Variants in HCK observed in about 807,000 individuals in gnomAD.
HCK encodes HCK proto-oncogene, Src family tyrosine kinase, also known as tyrosine-protein kinase HCK.
Under a neutral mutation model 70.4 loss-of-function variants are expected in HCK, and 40 were observed. The observed-to-expected ratio is 0.57, with a 90% CI of 0.44 to 0.74. The LOEUF (loss-of-function observed/expected upper bound fraction) is 0.74. Among genes scored for constraint, HCK ranks in the 30% least tolerant of loss-of-function variants. The pLI, the probability that HCK is intolerant of heterozygous loss-of-function variation, is 0.00. For synonymous variants in HCK, 245 were observed against 263.2 expected (o/e 0.93, Z 0.67); for missense variants, 568 against 697.2 (o/e 0.81, Z 2.09).
At chr20:32,072,088 C>T (rs1456194427) in intron 2 of HCK, 16 of 373,662 alleles carry the variant, frequency 4.3e-5, no homozygotes, top group East Asian at 9.0e-5. Flanking sequence ...TGCTGAGAAA[C>T]GAGTGAACAG....
intron 11 of HCK, among the ~76,000 whole-genome samples, chr20:32,096,454 T>A (rs1336142848): frequency 6.7e-6 from 1 of 148,720 alleles, no homozygotes; most frequent in East Asian, 2.0e-4. Flanking sequence ...GAGCCGAGAT[T>A]GTGCCATTGC....
chr20:32,099,361 T>TTTTTTTTTTTTTTTG, intron 12 of HCK, among the ~76,000 whole-genome samples: 1 of 141,358 alleles, frequency 7.1e-6, no homozygotes, highest in Non-Finnish European at 1.5e-5. Context: ...TTTTTTTTTT[T>TTTTTTTTTTTTTTTG]TTTTTTTTTT....
chr20:32,084,419 G>A lies in HCK; in HGVS notation c.711G>A (p.Leu237=). ...GGAACGACGGGCTCTGCCAGAAACT[G>A]TCGGTGCCCTGCATGTCTTCCAAGC... Residue 237 remains leucine (L), a synonymous_variant, in exon 8 of 13, where the codon CTG becomes CTA. Coordinates refer to ENST00000375852, the MANE Select transcript of HCK (RefSeq NM_002110.5). 6.2e-7 allele frequency: 1 copy of A among 1,614,072 alleles called. No homozygotes were observed. The highest frequency in any genetic ancestry group is 8.5e-7 in the Non-Finnish European group (1 of 1,179,950).
intron 10 of HCK, among the ~76,000 whole-genome samples, chr20:32,089,101 C>T (rs570209966): frequency 9.2e-5 from 14 of 152,330 alleles, no homozygotes; most frequent in East Asian, 3.9e-4. Flanking sequence ...TTCTTCACGG[C>T]GCAGCAGCTG....
rs185289983 is a variant in HCK at position 32,067,842 on chromosome 20, T to C, written c.63-3820T>C. ...TAACAGTAAAATCCACACTGAGATG[T>C]GAAGGCTTAGTACAAAAAAAAATGT... On this transcript the variant is annotated intron_variant, in intron 1 of 12. Transcript: ENST00000375852. Among the ~76,000 whole-genome samples the C allele has an allele frequency of 3.0e-4, 45 of 152,240 alleles. No individual in the cohort carries two copies. In the East Asian group the frequency reaches 8.7e-3, roughly 29 times the overall value.
At chr20:32,090,653 T>G (rs185921631) in intron 10 of HCK, among the ~76,000 whole-genome samples, 151 of 152,202 alleles carry the variant, frequency 9.9e-4, no homozygotes, top group Non-Finnish European at 1.9e-4. Flanking sequence ...TGATACTCTT[T>G]GGAAGCAAAC....
chr20:32,082,142 T>G (rs1212798524), intron 6 of HCK, among the ~76,000 whole-genome samples: 2 of 152,368 alleles, frequency 1.3e-5, no homozygotes, highest in East Asian at 1.9e-4. Flanking sequence ...TTCACCTCTC[T>G]GGGCTTCAGT....
In HCK at chr20:32,071,757, C is replaced by T. The variant is rs546783926; in HGVS notation, c.158C>T (p.Pro53Leu). The T allele has an allele frequency of 6.3e-5, 101 of 1,613,920 alleles. No homozygotes were observed. The highest frequency in any genetic ancestry group is 4.0e-4 in the African/African-American group (30 of 75,006). ...AGCCCACACTGTCCTGTGTACGTGC[C>T]GGATCCCACATCCACCATCAAGCCG... The change falls in exon 2 of 13, where the codon CCG (proline) becomes CTG (leucine). Residue 53 changes from proline (P) to leucine (L), a missense_variant. This residue lies in a region of HCK where 318 missense variants were observed against 336.0 expected (regional missense o/e 0.95). Coordinates refer to ENST00000375852, the MANE Select transcript of HCK (RefSeq NM_002110.5).
chr20:32,057,126 C>T (rs2045284541), intron 1 of HCK, among the ~76,000 whole-genome samples: 1 of 152,238 alleles, frequency 6.6e-6, no homozygotes, highest in Non-Finnish European at 1.5e-5. Context: ...GACTCCAGTG[C>T]TCTTCAGACA....
At chr20:32,088,669 G>T in intron 10 of HCK, 25 bp downstream of exon 10, 1 of 1,595,400 alleles carries the variant, frequency 6.3e-7, no homozygotes, top group Non-Finnish European at 8.6e-7. Context: ...AGGAAACGGG[G>T]AAGGGAAACA....
chr20:32,061,262 G>C (rs1010368686), intron 1 of HCK, among the ~76,000 whole-genome samples: 2 of 152,228 alleles, frequency 1.3e-5, no homozygotes, highest in Admixed American at 6.5e-5. Context: ...GATTACAGGC[G>C]TGAGCCACTG....
At chr20:32,059,511 CTTTTT>C (rs10557922) in intron 1 of HCK, among the ~76,000 whole-genome samples, 2 of 147,126 alleles carry the variant, frequency 1.4e-5, no homozygotes, top group Middle Eastern at 3.5e-3. Flanking sequence ...CTCTCTCTCT[CTTTTT>C]TTTTTCTTTT....
intron 1 of HCK, among the ~76,000 whole-genome samples, chr20:32,062,214 A>G (rs1260416269): frequency 7.9e-5 from 12 of 152,136 alleles, no homozygotes; most frequent in Admixed American, 7.9e-4. Context: ...TGCTGGGATT[A>G]CAGGTGTGAG....
chr20:32,074,200 T>C (rs1386319693), intron 4 of HCK, among the ~76,000 whole-genome samples: 1 of 152,166 alleles, frequency 6.6e-6, no homozygotes, highest in African/African-American at 2.4e-5. Context: ...ATGGGTATAG[T>C]GTCCAGGATG....
chr20:32,056,926 G>A (rs543852805), intron 1 of HCK, among the ~76,000 whole-genome samples: 10 of 152,316 alleles, frequency 6.6e-5, no homozygotes, highest in African/African-American at 2.2e-4. Context: ...TGGGACAAAC[G>A]CAATGAATGT....
intron 1 of HCK, among the ~76,000 whole-genome samples, chr20:32,067,151 T>C (rs2045470513): frequency 6.6e-6 from 1 of 152,264 alleles, no homozygotes; most frequent in South Asian, 2.1e-4. Context: ...ATAAGTATTT[T>C]AGCAATCTTT....
intron 10 of HCK, among the ~76,000 whole-genome samples, chr20:32,093,341 G>A (rs1022368103): frequency 2.0e-5 from 3 of 152,154 alleles, no homozygotes; most frequent in African/African-American, 7.2e-5. Flanking sequence ...AAGACACTCA[G>A]TGGATTTCTG....
intron 8 of HCK, among the ~76,000 whole-genome samples, chr20:32,085,019 A>T (rs1600732131): frequency 6.6e-6 from 1 of 152,364 alleles, no homozygotes; most frequent in East Asian, 1.9e-4. Flanking sequence ...TTCCCCAAGA[A>T]CTTAAGAACA....
intron 10 of HCK, among the ~76,000 whole-genome samples, chr20:32,093,116 T>C (rs1188500057): frequency 6.6e-6 from 1 of 152,162 alleles, no homozygotes; most frequent in Non-Finnish European, 1.5e-5. Flanking sequence ...ATCTTCTTTT[T>C]GTATTTTTAG....
Sources: gnomAD v4.1 joint callset for allele counts (sites outside exome capture counted in the v4.1 genomes callset) on GRCh38, gnomAD v4.1.1 for gene constraint, gnomAD v4.1.1 regional missense constraint, MANE v1.5 for transcripts, NCBI Gene and HGNC (gene_info 2026-07-23, HGNC 2026-07-21) for gene names.